Variants in REEP3 observed in about 807,000 individuals in gnomAD.
REEP3 encodes receptor accessory protein 3, also known as receptor expression-enhancing protein 3.
Under a neutral mutation model 41.3 loss-of-function variants are expected in REEP3, and 20 were observed. The observed-to-expected ratio is 0.48, with a 90% CI of 0.34 to 0.70. REEP3 has a LOEUF of 0.70. Ranked by LOEUF, REEP3 falls within the 30% of genes least tolerant of loss-of-function variation. The pLI is 0.01. For missense variants in REEP3, 271 were observed against 308.8 expected (o/e 0.88, Z 0.92); for synonymous variants, 104 against 101.8 (o/e 1.02, Z -0.13).
chr10:63,554,060 C>T (rs1955654309), intron 1 of REEP3, among the ~76,000 whole-genome samples: 2 of 151,526 alleles, frequency 1.3e-5, no homozygotes, highest in South Asian at 4.2e-4. Flanking sequence ...GGAGATCGCA[C>T]CACTGCCCTC....
chr10:63,539,736 A>G lies in REEP3; in HGVS notation c.32+18159A>G, dbSNP rs543254472. On this transcript the variant is annotated intron_variant, in intron 1 of 7. Coordinates refer to ENST00000373758, the MANE Select transcript of REEP3 (RefSeq NM_001001330.3). The stretch of plus-strand genomic sequence containing the variant: ...TCTTCATTTAGAATTAGAGCTTACA[A>G]AGTATTATACCATATTTAAAAGCTT... Among the ~76,000 whole-genome samples the G allele has an allele frequency of 2.0e-5, 3 of 152,214 alleles. No homozygotes were observed. In the South Asian group the frequency reaches 6.2e-4, roughly 32 times the overall value.
intron 2 of REEP3, among the ~76,000 whole-genome samples, chr10:63,567,814 G>A (rs1206795123): frequency 6.6e-6 from 1 of 152,012 alleles, no homozygotes; most frequent in Non-Finnish European, 1.5e-5. Context: ...GGGGTGGGAG[G>A]AAGGGACAGA....
At chr10:63,546,030 G>C (rs1432540582) in intron 1 of REEP3, among the ~76,000 whole-genome samples, 3 of 152,056 alleles carry the variant, frequency 2.0e-5, no homozygotes, top group Non-Finnish European at 4.4e-5. Flanking sequence ...AGCCAACCGG[G>C]TGTAAACCCT....
At chr10:63,571,060 A>G (rs1432306984) in intron 2 of REEP3, among the ~76,000 whole-genome samples, 1 of 152,146 alleles carries the variant, frequency 6.6e-6, no homozygotes, top group Non-Finnish European at 1.5e-5. Flanking sequence ...GGCTGCAGTA[A>G]GTCCTGATTG....
At chr10:63,580,799 A>T (rs934926914) in intron 2 of REEP3, among the ~76,000 whole-genome samples, 2 of 152,094 alleles carry the variant, frequency 1.3e-5, no homozygotes, top group African/African-American at 4.8e-5. Context: ...CAGGAGGATC[A>T]TTTGAGCCCA....
intron 1 of REEP3, among the ~76,000 whole-genome samples, chr10:63,541,656 A>T (rs1189262623): frequency 6.6e-6 from 1 of 152,162 alleles, no homozygotes; most frequent in Non-Finnish European, 1.5e-5. Context: ...TTGAAGGTTA[A>T]TAAACTCTCC....
chr10:63,522,506 C>T (rs1955289809), intron 1 of REEP3, among the ~76,000 whole-genome samples: 1 of 152,064 alleles, frequency 6.6e-6, no homozygotes, highest in African/African-American at 2.4e-5. Flanking sequence ...TAAACAATGA[C>T]GTAGTTACAG....
chr10:63,612,596 GC>G (rs987650123), intron 6 of REEP3, among the ~76,000 whole-genome samples: 1 of 151,924 alleles, frequency 6.6e-6, no homozygotes, highest in African/African-American at 2.4e-5. Context: ...TTCGAGACCA[GC>G]CTGGCCAACA....
chr10:63,555,013 C>T (rs1955664282), intron 1 of REEP3, among the ~76,000 whole-genome samples: 1 of 152,058 alleles, frequency 6.6e-6, no homozygotes. Flanking sequence ...TTTTTCCCCT[C>T]TAGTTTCATC....
chr10:63,535,786 A>G (rs1366715851), intron 1 of REEP3, among the ~76,000 whole-genome samples: 1 of 151,752 alleles, frequency 6.6e-6, no homozygotes, highest in African/African-American at 2.4e-5. Context: ...TATCTCTCAG[A>G]AAAAAAAATT....
At chr10:63,521,853 G>A (rs1311663037) in intron 1 of REEP3, 2 of 116,862 alleles carry the variant, frequency 1.7e-5, no homozygotes, top group Non-Finnish European at 3.6e-5. Context: ...GTGCGGCGCG[G>A]CGCCCCTGCT....
intron 2 of REEP3, among the ~76,000 whole-genome samples, chr10:63,570,573 A>AT (rs1233865234): frequency 3.9e-5 from 6 of 152,144 alleles, no homozygotes; most frequent in African/African-American, 1.4e-4. Flanking sequence ...CGGAAAAAAG[A>AT]TTTTCTTAAC....
intron 2 of REEP3, among the ~76,000 whole-genome samples, chr10:63,590,953 A>G (rs1382281873): frequency 6.6e-6 from 1 of 152,180 alleles, no homozygotes; most frequent in Non-Finnish European, 1.5e-5. Context: ...CTATTTACAT[A>G]TTTTAACAGC....
At chr10:63,565,835 A>G (rs1449074470) in intron 1 of REEP3, among the ~76,000 whole-genome samples, 4 of 152,192 alleles carry the variant, frequency 2.6e-5, no homozygotes, top group Non-Finnish European at 5.9e-5. Flanking sequence ...AATTTTTTCA[A>G]AAAATAAAGT....
intron 1 of REEP3, among the ~76,000 whole-genome samples, chr10:63,559,649 T>A (rs1178960044): frequency 6.6e-6 from 1 of 152,174 alleles, no homozygotes; most frequent in Non-Finnish European, 1.5e-5. Flanking sequence ...CTTGGGTTAG[T>A]TTCTTACCTT....
chr10:63,593,373 T>C (rs898538546), intron 2 of REEP3, among the ~76,000 whole-genome samples: 1 of 152,192 alleles, frequency 6.6e-6, no homozygotes, highest in African/African-American at 2.4e-5. Flanking sequence ...CCTGGTATAA[T>C]GGGTTAAGCA....
rs12241737 is a variant in REEP3, at chr10:63,584,549, G to A, written c.106-10229G>A. On this transcript the variant is annotated intron_variant, in intron 2 of 7. Transcript: ENST00000373758. ...TGGCACAGCTCTGAGAAAAAATCCC[G>A]TAACCAAGCCATCTGGGTTGGATAA... Among the ~76,000 whole-genome samples the A allele has an allele frequency of 6.3e-3, 946 of 151,140 alleles. 11 individuals carry two copies. The highest frequency in any genetic ancestry group is 0.021 in the African/African-American group (874 of 41,150).
chr10:63,533,852 C>T (rs1282997159), intron 1 of REEP3, among the ~76,000 whole-genome samples: 1 of 151,598 alleles, frequency 6.6e-6, no homozygotes, highest in African/African-American at 2.4e-5. Context: ...GGGTTACAGG[C>T]GCCCACCACC....
chr10:63,586,882 T>C (rs1310405701), intron 2 of REEP3, among the ~76,000 whole-genome samples: 1 of 152,084 alleles, frequency 6.6e-6, no homozygotes, highest in Non-Finnish European at 1.5e-5. Flanking sequence ...TGCCAGGTAC[T>C]GTACAAGGCA....
Sources: allele counts gnomAD v4.1 joint callset (sites outside exome capture counted in the v4.1 genomes callset), GRCh38; gene constraint gnomAD v4.1.1; transcripts MANE v1.5; gene names NCBI Gene and HGNC (gene_info 2026-07-23, HGNC 2026-07-21).